Variants in HACD3 observed in about 807,000 individuals in gnomAD.
The protein encoded by HACD3 is very-long-chain (3R)-3-hydroxyacyl-CoA dehydratase 3.
HACD3 carries 30 observed loss-of-function variants against 55.2 expected under a neutral mutation model. That is an observed-to-expected ratio of 0.54 (90% CI 0.41 to 0.74). The LOEUF (loss-of-function observed/expected upper bound fraction) is 0.74. Among genes scored for constraint, HACD3 ranks in the 30% least tolerant of loss-of-function variants. The pLI is 0.00. For synonymous variants in HACD3, 141 were observed against 151.7 expected, an observed-to-expected ratio of 0.93 and a Z score of 0.52; for missense variants, 363 against 440.1, an observed-to-expected ratio of 0.82 and a Z score of 1.57.
At chr15:65,556,952 CCCACGTTATTCAGG>C in intron 4 of HACD3, 49 bp downstream of exon 4, 3 of 1,547,440 alleles carry the variant, frequency 1.9e-6, no homozygotes, top group South Asian at 2.4e-5. Context: ...TCATGGGGAA[CCCACGTTATTCAGG>C]CCACTTCAGA....
chr15:65,534,531 A>T (rs1038054787), intron 1 of HACD3: 1 of 152,256 alleles, frequency 6.6e-6, no homozygotes, highest in Non-Finnish European at 1.5e-5. Context: ...CCCGAGAAAC[A>T]TAGTTGTTAA....
At chr15:65,558,843 G>A (rs2072219103) in intron 5 of HACD3, 112 bp downstream of exon 5, 8 of 1,332,636 alleles carry the variant, frequency 6.0e-6, no homozygotes, top group Middle Eastern at 1.8e-4. Flanking sequence ...TGAGCTGTGT[G>A]GGTGAGTTTA....
In HACD3 at chr15:65,577,762, CAGT is replaced by C. The variant is rs1340579054; in HGVS notation, c.*1386_*1388del. On this transcript the variant is annotated 3_prime_UTR_variant, in exon 11 of 11. Transcript: ENST00000261875. ...TCAGTTGGCTTTTTAAACCTGTCTG[CAGT>C]AGGACACTGAAAACAGCAAGAACTT... 1 of 152,320 alleles carries C rather than the reference CAGT, an allele frequency of 6.6e-6. No individual in the cohort carries two copies. 9.4% of individuals were successfully genotyped at this position (152,320 alleles called of 1,614,324 possible).
chr15:65,538,787 A>G (rs1016255789), intron 1 of HACD3, among the ~76,000 whole-genome samples: 3 of 152,210 alleles, frequency 2.0e-5, no homozygotes, highest in Non-Finnish European at 4.4e-5. Flanking sequence ...AGAAATTGCC[A>G]CAGCCACTCC....
intron 7 of HACD3, among the ~76,000 whole-genome samples, chr15:65,569,745 T>C (rs2072330316): frequency 6.6e-6 from 1 of 152,206 alleles, no homozygotes; most frequent in African/African-American, 2.4e-5. Flanking sequence ...TAACACATGA[T>C]AGTAGTTATT....
At chr15:65,558,830 C>A in intron 5 of HACD3, 99 bp downstream of exon 5, 1 of 1,400,754 alleles carries the variant, frequency 7.1e-7, no homozygotes, top group Non-Finnish European at 9.9e-7. Context: ...GATTTCATCC[C>A]GGTGAGCTGT....
chr15:65,530,939 C>T, intron 1 of HACD3: 1 of 516,798 alleles, frequency 1.9e-6, no homozygotes, highest in African/African-American at 2.0e-5. Flanking sequence ...CCTTCGGGTC[C>T]CCAGAGAGCT....
intron 4 of HACD3, among the ~76,000 whole-genome samples, chr15:65,558,122 G>T (rs2072212068): frequency 6.6e-6 from 1 of 152,014 alleles, no homozygotes; most frequent in Non-Finnish European, 1.5e-5. Flanking sequence ...TTGCTACCAG[G>T]TTGCCATTGC....
intron 1 of HACD3, chr15:65,535,829 C>A: frequency 1.6e-6 from 1 of 610,802 alleles, no homozygotes. Flanking sequence ...CCAAGTAGGA[C>A]TACAGGTACC....
intron 1 of HACD3, among the ~76,000 whole-genome samples, chr15:65,546,337 T>G (rs2072076933): frequency 1.3e-5 from 2 of 152,132 alleles, no homozygotes. Flanking sequence ...ATGGAATTAT[T>G]GTTCTTAGGT....
rs75489704 is a variant in HACD3, at chr15:65,540,514, G to A, written c.87+9796G>A. 2.0e-3 allele frequency among the ~76,000 whole-genome samples: 305 copies of A among 152,296 alleles called. 1 individual carries two copies. The highest frequency in any genetic ancestry group is 7.1e-3 in the African/African-American group (294 of 41,556). ...TGAAACTTGAAAGTTAAAACAAATG[G>A]TGCAGAAAGCTGGGGCAAGAACATT... On this transcript the variant is annotated intron_variant, in intron 1 of 10. Coordinates refer to ENST00000261875, the MANE Select transcript of HACD3 (RefSeq NM_016395.4).
intron 3 of HACD3, among the ~76,000 whole-genome samples, chr15:65,555,251 G>C (rs2072177845): frequency 6.6e-6 from 1 of 152,296 alleles, no homozygotes; most frequent in East Asian, 1.9e-4. Flanking sequence ...TGGACTAAGT[G>C]ATCCTTCCAG....
chr15:65,559,777 A>C (rs2072227577), intron 5 of HACD3, among the ~76,000 whole-genome samples: 1 of 152,146 alleles, frequency 6.6e-6, no homozygotes, highest in African/African-American at 2.4e-5. Flanking sequence ...GAATAACAAC[A>C]TAAAAAAGCC....
At chr15:65,555,272 C>T (rs1041071413) in intron 3 of HACD3, among the ~76,000 whole-genome samples, 13 of 152,176 alleles carry the variant, frequency 8.5e-5, no homozygotes, top group Admixed American at 4.6e-4. Context: ...CTCTGATATT[C>T]TCTGGTTTTA....
chr15:65,531,104 G>A (rs952998557), intron 1 of HACD3, among the ~76,000 whole-genome samples: 3 of 151,928 alleles, frequency 2.0e-5, no homozygotes, highest in African/African-American at 7.3e-5. Flanking sequence ...TCAGGGGTGC[G>A]GTTGTGACAG....
intron 7 of HACD3, 34 bp from the exon 8 acceptor site, chr15:65,570,057 T>G (rs1159241321): frequency 2.9e-6 from 4 of 1,371,206 alleles, no homozygotes; most frequent in Non-Finnish European, 4.1e-6. Flanking sequence ...TATATTTTAT[T>G]AACTTTTTTC....
Position 65,535,523 on chromosome 15 carries a change from C to T in HACD3, c.87+4805C>T, listed in dbSNP as rs75559918. Among the ~76,000 whole-genome samples the T allele has an allele frequency of 2.4e-3, 365 of 152,208 alleles. 3 individuals carry two copies. In the Middle Eastern group the frequency reaches 0.027, roughly 11 times the overall value. Reference sequence around the variant, plus strand: ...GCTTTATTGTGCTTTGCAGATAATGCGGTTTTGACAAATTGAAGGTTGTGG... The same window carrying T: ...GCTTTATTGTGCTTTGCAGATAATGTGGTTTTGACAAATTGAAGGTTGTGG... On this transcript the variant is annotated intron_variant, in intron 1 of 10. Coordinates refer to ENST00000261875, the MANE Select transcript of HACD3 (RefSeq NM_016395.4).
intron 1 of HACD3, among the ~76,000 whole-genome samples, chr15:65,534,194 A>G (rs1567329234): frequency 2.6e-5 from 4 of 152,058 alleles, no homozygotes; most frequent in Non-Finnish European, 5.9e-5. Context: ...GCACTTTAAC[A>G]CTCTCTGCTT....
At chr15:65,535,764 T>C (rs2071948364) in intron 1 of HACD3, 2 of 646,600 alleles carry the variant, frequency 3.1e-6, no homozygotes, top group South Asian at 3.3e-5. Flanking sequence ...AGTGTGATCA[T>C]AGCTCACCGT....
Sources: allele counts gnomAD v4.1 joint callset (sites outside exome capture counted in the v4.1 genomes callset), GRCh38; gene constraint gnomAD v4.1.1; transcripts MANE v1.5; gene names NCBI Gene and HGNC (gene_info 2026-07-23, HGNC 2026-07-21).